TBC1D15: variants seen among roughly 807,000 people sequenced by gnomAD.
TBC1D15 encodes the protein TBC1 domain family member 15.
In TBC1D15, 39 loss-of-function variants were observed where a neutral mutation model predicts 95.4. That is an observed-to-expected ratio of 0.41 (90% CI 0.32 to 0.53). The LOEUF (loss-of-function observed/expected upper bound fraction) is 0.53. TBC1D15 is among the 20% of genes least tolerant of loss of function. TBC1D15 has a pLI of 0.29. For synonymous variants in TBC1D15, 258 were observed against 261.3 expected (o/e 0.99, Z 0.12); for missense variants, 733 against 794.3 (o/e 0.92, Z 0.93).
At chr12:71,921,578 G>A (rs543289961) in intron 16 of TBC1D15, 124 bp downstream of exon 16, 51 of 483,242 alleles carry the variant, frequency 1.1e-4, no homozygotes, top group African/African-American at 8.2e-4. Flanking sequence ...CAAAGTATTG[G>A]CTGGCTTTTT....
intron 16 of TBC1D15, among the ~76,000 whole-genome samples, chr12:71,921,782 A>G (rs1360516219): frequency 6.6e-6 from 1 of 152,254 alleles, no homozygotes; most frequent in African/African-American, 2.4e-5. Context: ...AAATATGCAG[A>G]ATCTCTAAAC....
In TBC1D15 at chr12:71,881,068, C is replaced by T. The variant is rs185513084; in HGVS notation, c.343+461C>T. ...ACTATTCTCCTTTCTACATATATAC[C>T]ATCATGTGCCACATAACAGCATTTC... On this transcript the variant is annotated intron_variant, in intron 4 of 16. Coordinates refer to ENST00000485960, the MANE Select transcript of TBC1D15 (RefSeq NM_001146213.3). Among the ~76,000 whole-genome samples the T allele has an allele frequency of 6.1e-4, 93 of 152,200 alleles. No homozygotes were observed. The Middle Eastern group carries it at 0.01, about 17-fold the overall frequency.
intron 3 of TBC1D15, among the ~76,000 whole-genome samples, chr12:71,879,990 G>A (rs1894806708): frequency 6.6e-6 from 1 of 152,078 alleles, no homozygotes; most frequent in Non-Finnish European, 1.5e-5. Context: ...CTATACCTGT[G>A]AATATGTTGC....
At chr12:71,879,324 G>A (rs1019035434) in intron 3 of TBC1D15, among the ~76,000 whole-genome samples, 1 of 151,910 alleles carries the variant, frequency 6.6e-6, no homozygotes, top group Admixed American at 6.6e-5. Context: ...TTGTAGAGAC[G>A]GAGTTTTACC....
In TBC1D15 at chr12:71,921,357, A is replaced by G. The variant is rs755515860; in HGVS notation, c.1717-11A>G. On this transcript the variant is annotated splice_polypyrimidine_tract_variant and intron_variant, in intron 15 of 16. Transcript: ENST00000485960. ...GTTTCGATATCATTTTATTTTGTTG[A>G]TACTTTTTAGCATATCAATGAATTG... The G allele has an allele frequency of 1.3e-6, 2 of 1,501,960 alleles. No individual in the cohort carries two copies. The highest frequency in any genetic ancestry group is 2.3e-5 in the East Asian group (1 of 42,874). 93.0% of individuals were successfully genotyped at this position (1,501,960 alleles called of 1,614,324 possible). A position where few individuals can be genotyped will look rare whatever the true frequency, so the allele number is the denominator to read the frequency against.
At chr12:71,920,444 A>C (rs1334329311) in intron 14 of TBC1D15, among the ~76,000 whole-genome samples, 2 of 152,194 alleles carry the variant, frequency 1.3e-5, no homozygotes, top group African/African-American at 4.8e-5. Flanking sequence ...TAGCTCCTGC[A>C]TTAATAACAT....
intron 11 of TBC1D15, among the ~76,000 whole-genome samples, chr12:71,909,265 T>A (rs978946265): frequency 6.6e-6 from 1 of 152,244 alleles, no homozygotes; most frequent in Non-Finnish European, 1.5e-5. Flanking sequence ...CAACATTTCT[T>A]ACTCTTTACT....
At chr12:71,842,965 C>T (rs1012627616) in intron 1 of TBC1D15, among the ~76,000 whole-genome samples, 3 of 151,810 alleles carry the variant, frequency 2.0e-5, no homozygotes, top group Non-Finnish European at 2.9e-5. Flanking sequence ...TCTAGGTTTT[C>T]CTGTTAGTGT....
chr12:71,896,832 A>C, intron 9 of TBC1D15, 52 bp downstream of exon 9: 1 of 1,427,300 alleles, frequency 7.0e-7, no homozygotes. Flanking sequence ...TAACCCACTC[A>C]TACAAATTAG....
chr12:71,898,126 A>G (rs1898593339), intron 10 of TBC1D15, among the ~76,000 whole-genome samples, 185 bp downstream of exon 10: 1 of 152,086 alleles, frequency 6.6e-6, no homozygotes. Flanking sequence ...ATATTAATTC[A>G]GTAAGTTTAT....
At chr12:71,870,488 A>G (rs1892432610) in intron 1 of TBC1D15, among the ~76,000 whole-genome samples, 1 of 152,150 alleles carries the variant, frequency 6.6e-6, no homozygotes, top group South Asian at 2.1e-4. Flanking sequence ...TGAAATCAAA[A>G]CTTCCTTGGT....
chr12:71,856,808 G>A (rs1331101199), intron 1 of TBC1D15, among the ~76,000 whole-genome samples: 2 of 152,138 alleles, frequency 1.3e-5, no homozygotes, highest in African/African-American at 4.8e-5. Context: ...TATATGCTGA[G>A]CCTTAAGTTG....
chr12:71,857,770 T>C (rs910832337), intron 1 of TBC1D15, among the ~76,000 whole-genome samples: 21 of 152,258 alleles, frequency 1.4e-4, no homozygotes, highest in African/African-American at 4.8e-4. Context: ...GTGATAGTGC[T>C]GTAGAACGTT....
intron 12 of TBC1D15, among the ~76,000 whole-genome samples, chr12:71,916,042 C>G (rs1373026323): frequency 1.3e-5 from 2 of 152,078 alleles, no homozygotes; most frequent in Non-Finnish European, 2.9e-5. Context: ...TAATGTAGGT[C>G]TAGGCATAGA....
intron 3 of TBC1D15, among the ~76,000 whole-genome samples, chr12:71,873,305 A>G (rs940202175): frequency 1.3e-4 from 20 of 152,160 alleles, no homozygotes; most frequent in Admixed American, 1.3e-3. Context: ...AAATGGAGTC[A>G]TGTAATAATG....
At chr12:71,849,275 T>C in intron 1 of TBC1D15, 1 of 799,554 alleles carries the variant, frequency 1.3e-6, no homozygotes, top group Non-Finnish European at 2.1e-6. Flanking sequence ...TCTGAGACTG[T>C]TCTTTGTTCC....
chr12:71,920,599 A>T, intron 14 of TBC1D15, 132 bp from the exon 15 acceptor site: 1 of 717,750 alleles, frequency 1.4e-6, no homozygotes, highest in South Asian at 1.6e-5. Context: ...TCCTAGCTAG[A>T]AAAACCTTGG....
intron 12 of TBC1D15, among the ~76,000 whole-genome samples, chr12:71,915,993 A>G (rs948612201): frequency 1.3e-5 from 2 of 152,076 alleles, no homozygotes; most frequent in Non-Finnish European, 2.9e-5. Context: ...GCTGAACCTA[A>G]CGTCTGTAAA....
intron 1 of TBC1D15, among the ~76,000 whole-genome samples, chr12:71,852,432 G>A (rs1006160782): frequency 1.3e-5 from 2 of 152,230 alleles, no homozygotes; most frequent in Non-Finnish European, 2.9e-5. Flanking sequence ...TGGTAGTTAT[G>A]CAAATTTCTG....
Sources: gnomAD v4.1 joint callset for allele counts (sites outside exome capture counted in the v4.1 genomes callset) on GRCh38, gnomAD v4.1.1 for gene constraint, MANE v1.5 for transcripts, NCBI Gene and HGNC (gene_info 2026-07-23, HGNC 2026-07-21) for gene names.